The following LSM6 variants were observed in gnomAD, a reference collection of about 807,000 sequenced individuals.
The protein encoded by LSM6 is LSM6 homolog, U6 small nuclear RNA and mRNA degradation associated, also known as U6 snRNA-associated Sm-like protein LSm6.
Under a neutral mutation model 13.5 loss-of-function variants are expected in LSM6, and 2 were observed. The observed-to-expected ratio is 0.15, with a 90% CI of 0.06 to 0.47. The LOEUF (loss-of-function observed/expected upper bound fraction) is 0.47, where lower values mean the gene tolerates loss of function less well. Among genes scored for constraint, LSM6 ranks in the 20% least tolerant of loss-of-function variants. The pLI is 0.97. For synonymous variants in LSM6, 43 were observed against 34.9 expected (o/e 1.23, Z -0.82); for missense variants, 58 against 96.4 (o/e 0.60, Z 1.67).
intron 2 of LSM6, 147 bp from the exon 3 acceptor site, chr4:146,187,127 G>T: frequency 1.7e-6 from 1 of 572,990 alleles, no homozygotes; most frequent in Non-Finnish European, 3.2e-6. Context: ...TTGTGCTTAA[G>T]CTGTTGAGTT....
chr4:146,186,995 G>C (rs1043578530), intron 2 of LSM6, among the ~76,000 whole-genome samples: 2 of 152,148 alleles, frequency 1.3e-5, no homozygotes, highest in African/African-American at 2.4e-5. Context: ...TTTTTTGAAT[G>C]CTTTAAAAGT....
At chr4:146,184,102 C>T (rs964373671) in intron 2 of LSM6, among the ~76,000 whole-genome samples, 2 of 151,992 alleles carry the variant, frequency 1.3e-5, no homozygotes, top group Admixed American at 6.6e-5. Flanking sequence ...TGAGTCCTCA[C>T]GTGGCAGAAG....
intron 1 of LSM6, among the ~76,000 whole-genome samples, chr4:146,182,417 T>G (rs1730251358): frequency 6.6e-6 from 1 of 152,250 alleles, no homozygotes; most frequent in African/African-American, 2.4e-5. Flanking sequence ...AACAAATTAT[T>G]TAATCTTTCT....
chr4:146,185,909 G>A (rs1474519671), intron 2 of LSM6, among the ~76,000 whole-genome samples: 2 of 151,812 alleles, frequency 1.3e-5, no homozygotes. Flanking sequence ...GCTAATTTTT[G>A]TATTTTTAGT....
At chr4:146,186,790 A>T (rs1408047235) in intron 2 of LSM6, among the ~76,000 whole-genome samples, 6 of 152,198 alleles carry the variant, frequency 3.9e-5, no homozygotes, top group Non-Finnish European at 8.8e-5. Flanking sequence ...ACTTCCTTTT[A>T]ACCCTGGAGT....
chr4:146,187,631 C>G, intron 3 of LSM6: 1 of 363,824 alleles, frequency 2.7e-6, no homozygotes, highest in Non-Finnish European at 5.1e-6. Flanking sequence ...GTTCTCCTTA[C>G]CTGGAACCCT....
At chr4:146,188,783 G>C (rs780999945) in intron 3 of LSM6, among the ~76,000 whole-genome samples, 8 of 151,786 alleles carry the variant, frequency 5.3e-5, no homozygotes, top group Admixed American at 2.0e-4. Flanking sequence ...GACTTTTAAC[G>C]GGAACTCAGA....
chr4:146,177,640 AT>A (rs1730140650), intron 1 of LSM6, among the ~76,000 whole-genome samples: 1 of 151,798 alleles, frequency 6.6e-6, no homozygotes, highest in Non-Finnish European at 1.5e-5. Context: ...ATTTTTATTT[AT>A]TTTTATTTAT....
intron 1 of LSM6, chr4:146,176,640 T>C: frequency 6.8e-6 from 1 of 146,044 alleles, no homozygotes; most frequent in Admixed American, 6.7e-5. Flanking sequence ...AACAGTGTAG[T>C]TTTCCACTTC....
intron 1 of LSM6, among the ~76,000 whole-genome samples, chr4:146,180,679 C>A (rs963746948): frequency 6.6e-6 from 1 of 152,024 alleles, no homozygotes; most frequent in African/African-American, 2.4e-5. Context: ...ACTAGAATCA[C>A]ATTACAAAGC....
intron 1 of LSM6, chr4:146,181,224 C>G (rs923839549): frequency 1.3e-5 from 2 of 150,986 alleles, no homozygotes; most frequent in African/African-American, 4.9e-5. Context: ...AATGATAGCC[C>G]AAAATTCAAA....
At position 146,189,862 on chromosome 4, in the gene LSM6, C is replaced by A. The variant is rs1223406111; in HGVS notation, c.*206C>A. 9.7e-6 allele frequency: 5 copies of A among 515,486 alleles called. No homozygotes were observed. Among genetic ancestry groups the A allele is most frequent in the Non-Finnish European group, 1.7e-5 (5 of 292,866 alleles). 31.9% of individuals were successfully genotyped at this position (515,486 alleles called of 1,614,324 possible). Reference sequence around the variant, plus strand: ...TGTAAGTTTCAGTCATTTTCTTTTACCTCGTTGTCAGTGTACAGAATGCTA... The same window carrying A: ...TGTAAGTTTCAGTCATTTTCTTTTAACTCGTTGTCAGTGTACAGAATGCTA... On this transcript the variant is annotated 3_prime_UTR_variant, in exon 4 of 4. Coordinates refer to ENST00000296581, the MANE Select transcript of LSM6 (RefSeq NM_007080.3).
At chr4:146,180,136 A>C (rs1055002947) in intron 1 of LSM6, among the ~76,000 whole-genome samples, 6 of 152,218 alleles carry the variant, frequency 3.9e-5, no homozygotes, top group Non-Finnish European at 8.8e-5. Flanking sequence ...TCAGGTGTTA[A>C]CTTCCAGAAA....
At chr4:146,185,705 G>A (rs1730333574) in intron 2 of LSM6, among the ~76,000 whole-genome samples, 1 of 151,342 alleles carries the variant, frequency 6.6e-6, no homozygotes, top group African/African-American at 2.4e-5. Context: ...TGTGAGAATA[G>A]ATATTTTAAT....
intron 3 of LSM6, among the ~76,000 whole-genome samples, chr4:146,189,290 G>A (rs183510903): frequency 8.1e-4 from 124 of 152,300 alleles, no homozygotes; most frequent in African/African-American, 2.9e-3. Context: ...ACCGTGTTCA[G>A]CCCTGAAAAG....
At chr4:146,187,654 A>G (rs1730376879) in intron 3 of LSM6, 1 of 300,480 alleles carries the variant, frequency 3.3e-6, no homozygotes, top group Non-Finnish European at 6.4e-6. Flanking sequence ...TTTCTCGAAT[A>G]TAGTGTAGTA....
intron 1 of LSM6, chr4:146,181,047 ATAG>A (rs1465409696): frequency 6.6e-6 from 1 of 152,222 alleles, no homozygotes; most frequent in East Asian, 1.9e-4. Context: ...GTTGTCCTGA[ATAG>A]TAGTTGTAAT....
chr4:146,177,419 C>T (rs1730135504), intron 1 of LSM6, among the ~76,000 whole-genome samples: 1 of 152,070 alleles, frequency 6.6e-6, no homozygotes, highest in Admixed American at 6.5e-5. Context: ...ATTTTCATGG[C>T]CAAGACTAGA....
At chr4:146,177,164 A>G (rs916988074) in intron 1 of LSM6, among the ~76,000 whole-genome samples, 3 of 152,140 alleles carry the variant, frequency 2.0e-5, no homozygotes, top group Non-Finnish European at 2.9e-5. Context: ...TGAGAAGTGA[A>G]ATTATGAGTT....
Sources: allele counts gnomAD v4.1 joint callset (sites outside exome capture counted in the v4.1 genomes callset), GRCh38; gene constraint gnomAD v4.1.1; transcripts MANE v1.5; gene names NCBI Gene and HGNC (gene_info 2026-07-23, HGNC 2026-07-21).